Variants in STS observed in about 807,000 individuals in gnomAD.
The protein encoded by STS is steryl-sulfatase.
Under a neutral mutation model 26.8 loss-of-function variants are expected in STS, and 7 were observed. The observed-to-expected ratio is 0.26, with a 90% CI of 0.15 to 0.49. The LOEUF (loss-of-function observed/expected upper bound fraction) is 0.49, where lower values mean the gene tolerates loss of function less well. STS is among the 20% of genes least tolerant of loss of function. STS has a pLI of 0.98. For missense variants in STS, 434 were observed against 465.6 expected (o/e 0.93, Z 0.63); for synonymous variants, 199 against 189.4 (o/e 1.05, Z -0.42).
At chrX:7,233,044 A>G (rs1286515933) in intron 2 of STS, among the ~76,000 whole-genome samples, 1 of 110,430 alleles carries the variant, frequency 9.1e-6, no homozygotes, top group Admixed American at 9.6e-5. Flanking sequence ...GAGCCAGTTA[A>G]ACCTCTTTCC....
At chrX:7,167,496 G>T (rs750310833) in intron 1 of STS, among the ~76,000 whole-genome samples, 114 of 111,981 alleles carry the variant, frequency 1.0e-3, no homozygotes, top group Middle Eastern at 4.6e-3. Context: ...GATTACATGT[G>T]TGAGCCACCG....
At chrX:7,176,379 A>G (rs1301336078) in intron 1 of STS, among the ~76,000 whole-genome samples, 1 of 111,687 alleles carries the variant, frequency 9.0e-6, no homozygotes, top group Non-Finnish European at 1.9e-5. Context: ...GATAGCCGGC[A>G]TACTCCAGCA....
At chrX:7,219,019 A>G (rs1227344195) in intron 2 of STS, among the ~76,000 whole-genome samples, 2 of 112,296 alleles carry the variant, frequency 1.8e-5, no homozygotes, top group African/African-American at 6.5e-5. Flanking sequence ...CTCTGCAGTT[A>G]GCAAACCTGG....
At chrX:7,204,840 C>T (rs757234384) in intron 2 of STS, among the ~76,000 whole-genome samples, 1 of 105,764 alleles carries the variant, frequency 9.5e-6, no homozygotes, top group African/African-American at 3.5e-5. Context: ...CCCTCCTCCC[C>T]TCCTTCCTTC....
At chrX:7,328,184 T>C (rs751747203) in intron 9 of STS, among the ~76,000 whole-genome samples, 4 of 112,010 alleles carry the variant, frequency 3.6e-5, no homozygotes, top group Middle Eastern at 4.6e-3. Context: ...TCAGCCAATC[T>C]CATTTATTAC....
At chrX:7,285,924 C>G (rs1450288944) in intron 7 of STS, among the ~76,000 whole-genome samples, 1 of 111,870 alleles carries the variant, frequency 8.9e-6, no homozygotes, top group Non-Finnish European at 1.9e-5. Flanking sequence ...GAGTCTGCCG[C>G]TGATACCATA....
intron 2 of STS, among the ~76,000 whole-genome samples, chrX:7,226,041 A>G (rs1921788785): frequency 1.8e-5 from 2 of 111,921 alleles, no homozygotes; most frequent in Non-Finnish European, 3.8e-5. Flanking sequence ...CAGATCTTCA[A>G]TGTTCCGTTT....
chrX:7,189,200 A>G (rs1219552163), intron 1 of STS, among the ~76,000 whole-genome samples: 1 of 111,697 alleles, frequency 9.0e-6, no homozygotes, highest in Non-Finnish European at 1.9e-5. Flanking sequence ...ATTTCAAAGC[A>G]TAAACAATAG....
At chrX:7,317,333 T>C (rs1186211196) in intron 8 of STS, among the ~76,000 whole-genome samples, 2 of 111,683 alleles carry the variant, frequency 1.8e-5, no homozygotes, top group African/African-American at 6.5e-5. Flanking sequence ...TTTCCTAAGT[T>C]TATTTCTCCT....
intron 1 of STS, among the ~76,000 whole-genome samples, chrX:7,171,307 G>A (rs1419916092): frequency 9.0e-6 from 1 of 110,998 alleles, no homozygotes; most frequent in Non-Finnish European, 1.9e-5. Context: ...GATCTATGAG[G>A]ACTCAGCGTT....
intron 2 of STS, among the ~76,000 whole-genome samples, chrX:7,191,910 C>T (rs1459183359): frequency 1.8e-5 from 2 of 112,368 alleles, no homozygotes; most frequent in Non-Finnish European, 3.8e-5. Flanking sequence ...GGTGAGTGTG[C>T]ATGGTGCAAG....
At chrX:7,312,181 C>G (rs140346648) in intron 8 of STS, among the ~76,000 whole-genome samples, 26 of 111,873 alleles carry the variant, frequency 2.3e-4, no homozygotes, top group African/African-American at 8.4e-4. Context: ...TTGTTCCCAC[C>G]TCAGAGTCTT....
At chrX:7,206,541 T>C (rs1920951102) in intron 2 of STS, among the ~76,000 whole-genome samples, 1 of 112,294 alleles carries the variant, frequency 8.9e-6, no homozygotes, top group African/African-American at 3.2e-5. Flanking sequence ...TTGCTGATAG[T>C]TAACCATACT....
intron 2 of STS, among the ~76,000 whole-genome samples, chrX:7,226,768 C>G (rs1316598731): frequency 1.1e-5 from 1 of 90,560 alleles, no homozygotes. Flanking sequence ...GGCTAATTTG[C>G]CTCTAGTCCT....
At chrX:7,194,863 A>G (rs1933943528) in intron 2 of STS, among the ~76,000 whole-genome samples, 1 of 111,864 alleles carries the variant, frequency 8.9e-6, no homozygotes, top group Non-Finnish European at 1.9e-5. Context: ...TGAACATAAT[A>G]GAGTATACTC....
At chrX:7,186,681 T>A (rs1933778685) in intron 1 of STS, among the ~76,000 whole-genome samples, 1 of 112,340 alleles carries the variant, frequency 8.9e-6, no homozygotes, top group Admixed American at 9.4e-5. Context: ...TCCTATACAT[T>A]AGAGTTTCTC....
intron 2 of STS, among the ~76,000 whole-genome samples, chrX:7,236,085 A>G (rs1922299157): frequency 8.9e-6 from 1 of 112,193 alleles, no homozygotes; most frequent in African/African-American, 3.2e-5. Context: ...TATTTATCCT[A>G]TTACATTTAT....
rs1343014998 is a variant in STS, at chrX:7,147,934, GC to G, written c.-282del. On this transcript the variant is annotated 5_prime_UTR_variant, in exon 1 of 11. The change abolishes the stop of an existing upstream ORF in the 5' untranslated region. Coordinates refer to ENST00000674429, the MANE Select transcript of STS (RefSeq NM_001320752.2). Reference sequence around the variant, plus strand: ...GGGGGCAGAGCGCGCGGGAGCCCGAGCGTCCCTGCATGAACACCGCCCCGCC... The same window carrying G: ...GGGGGCAGAGCGCGCGGGAGCCCGAGGTCCCTGCATGAACACCGCCCCGCC... 3 of 532,817 alleles carry G rather than the reference GC, an allele frequency of 5.6e-6. No individual in the cohort carries two copies. The Admixed American group carries it at 1.1e-4, about 20-fold the overall frequency. 43.9% of individuals were successfully genotyped at this position (532,817 alleles called of 1,213,427 possible).
intron 7 of STS, among the ~76,000 whole-genome samples, chrX:7,303,187 T>C (rs1926053683): frequency 9.0e-6 from 1 of 111,032 alleles, no homozygotes; most frequent in South Asian, 3.9e-4. Flanking sequence ...CGAGATCTGA[T>C]GGTTTTATGC....
Sources: allele counts gnomAD v4.1 joint callset (sites outside exome capture counted in the v4.1 genomes callset), GRCh38; gene constraint gnomAD v4.1.1; transcripts MANE v1.5; gene names NCBI Gene and HGNC (gene_info 2026-07-23, HGNC 2026-07-21).